The following LETM1 variants were observed in gnomAD, a reference collection of about 807,000 sequenced individuals.
LETM1 encodes the protein leucine zipper and EF-hand containing transmembrane protein 1.
A neutral mutation model predicts 74.5 loss-of-function variants in LETM1; 50 were observed. The ratio of observed to expected loss-of-function variants is 0.67; its 90% CI spans 0.53 to 0.85. The LOEUF is 0.85. LETM1 is among the 40% of genes least tolerant of loss of function. The pLI is 0.00. For synonymous variants in LETM1, 446 were observed against 407.1 expected, an observed-to-expected ratio of 1.10 and a Z score of -1.15; for missense variants, 824 against 967.8, an observed-to-expected ratio of 0.85 and a Z score of 1.97.
At chr4:1,824,327 A>G (rs1052570361) in intron 7 of LETM1, among the ~76,000 whole-genome samples, 2 of 152,166 alleles carry the variant, frequency 1.3e-5, no homozygotes, top group African/African-American at 4.8e-5. Context: ...TCTCAAACAA[A>G]GAAACAAGAC....
In LETM1 at chr4:1,823,625, G is replaced by C; in HGVS notation, c.1332+19C>G. 3.1e-6 allele frequency: 5 copies of C among 1,612,596 alleles called. No homozygotes were observed. Among genetic ancestry groups the C allele is most frequent in the Non-Finnish European group, 3.4e-6 (4 of 1,179,714 alleles). On this transcript the variant is annotated intron_variant, in intron 8 of 13. Coordinates refer to ENST00000302787, the MANE Select transcript of LETM1 (RefSeq NM_012318.3). ...ACCTATGAAGAGATGAGGTAAAAGGGGTCTCCGACAGCACGTACCACAATC... is the reference window on the plus strand; with the variant it reads ...ACCTATGAAGAGATGAGGTAAAAGGCGTCTCCGACAGCACGTACCACAATC...
chr4:1,841,709 C>G lies in LETM1; in HGVS notation c.232G>C (p.Glu78Gln). Reference sequence around the variant, plus strand: ...GCTCTCGACACTATGCGAAGGCACTCGGGCCTCAGAGCCCAACAGCCGAGG... The same window carrying G: ...GCTCTCGACACTATGCGAAGGCACTGGGGCCTCAGAGCCCAACAGCCGAGG... ...DHLGCWALRPECLRIVSRAPW... is the reference protein window; with the variant it reads ...DHLGCWALRPQCLRIVSRAPW... The change falls in exon 3 of 14, where the codon GAG (glutamate) becomes CAG (glutamine). Residue 78 changes from glutamate (E) to glutamine (Q), a missense_variant. Coordinates refer to ENST00000302787, the MANE Select transcript of LETM1 (RefSeq NM_012318.3). The G allele has an allele frequency of 1.2e-6, 2 of 1,614,150 alleles. No individual in the cohort carries two copies. The highest frequency in any genetic ancestry group is 1.7e-6 in the Non-Finnish European group (2 of 1,180,028).
chr4:1,816,139 G>A (rs921517831), intron 12 of LETM1, among the ~76,000 whole-genome samples: 1 of 152,254 alleles, frequency 6.6e-6, no homozygotes, highest in African/African-American at 2.4e-5. Flanking sequence ...CATGGGGGCT[G>A]TGGTGCCCTG....
Position 1,837,534 on chromosome 4 carries a change from T to G in LETM1, c.595-962A>C, listed in dbSNP as rs142081871. ...CGGTGCCATATTTGGGCAGGACATA[T>G]CCTTAAAGCTGGCACATGTGTTTTT... On this transcript the variant is annotated intron_variant, in intron 3 of 13. Transcript: ENST00000302787. Among the ~76,000 whole-genome samples, 1,086 of 152,248 alleles carry G rather than the reference T, an allele frequency of 7.1e-3. 13 individuals are homozygous for G. Among genetic ancestry groups the G allele is most frequent in the African/African-American group, 0.023 (970 of 41,530 alleles).
rs373737405 is a variant in LETM1 at position 1,823,737 on chromosome 4, C to T, written c.1239G>A (p.Ser413=). ...ACATGGCCCGGGACAGGATGAGCAG[C>T]GATGTGGGGATCTCCTGATGCAGGT... is the stretch of plus-strand genomic sequence containing the variant. The part of the protein sequence containing the change: ...DLHLHQEIPT[S]LLILSRAMYL... Residue 413 remains serine, a synonymous_variant, in exon 8 of 14, where the codon TCG becomes TCA. Coordinates refer to ENST00000302787, the MANE Select transcript of LETM1 (RefSeq NM_012318.3). 33 of 1,613,296 alleles carry T rather than the reference C, an allele frequency of 2.0e-5. No homozygotes were observed. The highest frequency in any genetic ancestry group is 2.6e-5 in the Non-Finnish European group (31 of 1,179,736).
intron 3 of LETM1, among the ~76,000 whole-genome samples, chr4:1,838,349 C>A (rs900744346): frequency 1.3e-5 from 2 of 151,948 alleles, no homozygotes; most frequent in Non-Finnish European, 2.9e-5. Flanking sequence ...CGGCCCGCCT[C>A]GGCCTCCCAA....
Position 1,842,766 on chromosome 4 carries a change from A to G in LETM1, c.144-969T>C, listed in dbSNP as rs554819839. Among the ~76,000 whole-genome samples, 18 of 152,366 alleles carry G rather than the reference A, an allele frequency of 1.2e-4. 1 individual carries two copies. In the South Asian group the frequency reaches 3.7e-3, roughly 32 times the overall value. On this transcript the variant is annotated intron_variant, in intron 2 of 13. Transcript: ENST00000302787. ...CCCACAGAAAGGCCTTGAGGAGGCC[A>G]CTGCAGCCTAAGCTTCTGCAGCATA... is the stretch of plus-strand genomic sequence containing the variant.
At chr4:1,849,511 G>A (rs908363429) in intron 1 of LETM1, among the ~76,000 whole-genome samples, 2 of 151,990 alleles carry the variant, frequency 1.3e-5, no homozygotes, top group African/African-American at 4.8e-5. Context: ...CAGGTGATCC[G>A]CCCGCCTTGG....
rs201925814 is a variant in LETM1 at position 1,841,636 on chromosome 4, C to T, written c.305G>A (p.Cys102Tyr). The part of the protein sequence containing the change: ...SVGFVAVGPQ[C>Y]LPVRGWHSSR... ...AGAGTGCCAGCCACGCACAGGAAGG[C>T]ACTGAGGTCCCACAGCCACAAAACC... The change falls in exon 3 of 14, where the codon TGC (cysteine) becomes TAC (tyrosine). Residue 102 changes from cysteine to tyrosine, a missense_variant. Around this residue, in one of 4 missense-constraint regions of LETM1, gnomAD observed 222 missense variants for 195.6 expected, o/e 1.14. Transcript: ENST00000302787. 8.7e-6 allele frequency: 14 copies of T among 1,614,088 alleles called. No individual in the cohort carries two copies. The highest frequency in any genetic ancestry group is 1.3e-5 in the African/African-American group (1 of 74,914).
At chr4:1,849,894 C>T (rs1429861845) in intron 1 of LETM1, among the ~76,000 whole-genome samples, 3 of 152,176 alleles carry the variant, frequency 2.0e-5, no homozygotes, top group Non-Finnish European at 2.9e-5. Context: ...CCGTGGCTCA[C>T]GCCTGTAATC....
intron 7 of LETM1, among the ~76,000 whole-genome samples, chr4:1,824,363 C>G (rs1035247977): frequency 4.6e-5 from 7 of 152,274 alleles, no homozygotes; most frequent in Middle Eastern, 3.4e-3. Flanking sequence ...TATACGGGCC[C>G]GCAGAGGCAG....
intron 6 of LETM1, among the ~76,000 whole-genome samples, chr4:1,828,135 C>T (rs1441619110): frequency 4.2e-5 from 5 of 117,964 alleles, no homozygotes; most frequent in South Asian, 3.0e-4. Flanking sequence ...GGCGGCTGGC[C>T]GGGCAGAGGG....
chr4:1,855,857 C>G lies in LETM1; in HGVS notation c.82+12G>C, dbSNP rs906775342. 1.9e-5 allele frequency: 23 copies of G among 1,226,400 alleles called. No homozygotes were observed. In the African/African-American group the frequency reaches 3.5e-4, roughly 19 times the overall value. The allele number at this position is 1,226,400 out of a possible 1,614,324, so 76.0% of individuals were successfully genotyped here. A position where few individuals can be genotyped will look rare whatever the true frequency, so the allele number is the denominator to read the frequency against. On this transcript the variant is annotated intron_variant, in intron 1 of 13. Coordinates refer to ENST00000302787, the MANE Select transcript of LETM1 (RefSeq NM_012318.3). ...CGGGAGCCGGCCCCGCCCTGGGGTG[C>G]CCGCCGCTTACCCCGCGGGACGGTG...
At chr4:1,822,354 C>G in intron 9 of LETM1, 42 bp from the exon 10 acceptor site, 1 of 1,413,714 alleles carries the variant, frequency 7.1e-7, no homozygotes, top group Non-Finnish European at 9.4e-7. Context: ...CGCCATCACA[C>G]AGAAGCAGTC....
At chr4:1,855,361 C>T (rs765032587) in intron 1 of LETM1, among the ~76,000 whole-genome samples, 4 of 152,210 alleles carry the variant, frequency 2.6e-5, no homozygotes, top group Non-Finnish European at 5.9e-5. Flanking sequence ...CCCCGTGTTC[C>T]CCGGGTGCCG....
chr4:1,828,408 G>A (rs1324576173), intron 6 of LETM1, among the ~76,000 whole-genome samples: 5 of 112,872 alleles, frequency 4.4e-5, no homozygotes, highest in East Asian at 3.0e-4. Context: ...CGGACGGGGC[G>A]GCTGGCCGGG....
intron 11 of LETM1, among the ~76,000 whole-genome samples, chr4:1,818,686 C>A (rs1711665377): frequency 1.3e-5 from 2 of 151,984 alleles, no homozygotes; most frequent in Non-Finnish European, 2.9e-5. Context: ...AAAAGGGAAA[C>A]AAACCACCAT....
intron 6 of LETM1, among the ~76,000 whole-genome samples, chr4:1,828,528 C>T (rs1403053187): frequency 9.2e-6 from 1 of 109,098 alleles, no homozygotes; most frequent in Non-Finnish European, 1.9e-5. Flanking sequence ...CCACCTCCCT[C>T]CCGGACGGGG....
chr4:1,845,483 T>G (rs1712850216), intron 2 of LETM1, among the ~76,000 whole-genome samples: 1 of 151,788 alleles, frequency 6.6e-6, no homozygotes, highest in Non-Finnish European at 1.5e-5. Flanking sequence ...TGTGACCAAA[T>G]AAAAAGTAAA....
Sources: allele counts gnomAD v4.1 joint callset (sites outside exome capture counted in the v4.1 genomes callset), GRCh38; gene constraint gnomAD v4.1.1; regional missense constraint gnomAD v4.1.1; transcripts MANE v1.5; gene names NCBI Gene and HGNC (gene_info 2026-07-23, HGNC 2026-07-21).